DLG2: variants seen among roughly 807,000 people sequenced by gnomAD.
The protein encoded by DLG2 is discs large MAGUK scaffold protein 2, also known as disks large homolog 2.
DLG2 carries 45 observed loss-of-function variants against 132.5 expected under a neutral mutation model. The observed-to-expected ratio is 0.34, with a 90% confidence interval of 0.27 to 0.44. DLG2 has a LOEUF of 0.44. Ranked by LOEUF, DLG2 falls within the 20% of genes least tolerant of loss-of-function variation. DLG2 has a pLI of 1.00. For missense variants in DLG2, 1,045 were observed against 1,196.9 expected (o/e 0.87, Z 1.87); for synonymous variants, 424 against 419.6 (o/e 1.01, Z -0.13).
chr11:83,827,651 A>G (rs1426780333), intron 17 of DLG2, among the ~76,000 whole-genome samples: 1 of 152,182 alleles, frequency 6.6e-6, no homozygotes, highest in African/African-American at 2.4e-5. Flanking sequence ...TGGATGCCTG[A>G]GGAATGAATA....
chr11:83,481,922 C>G (rs1459139873), intron 22 of DLG2, among the ~76,000 whole-genome samples: 1 of 151,926 alleles, frequency 6.6e-6, no homozygotes, highest in African/African-American at 2.4e-5. Flanking sequence ...TTCTGACACT[C>G]CAAAAGCCAC....
At chr11:84,512,948 G>A (rs2099261316) in intron 7 of DLG2, among the ~76,000 whole-genome samples, 1 of 151,940 alleles carries the variant, frequency 6.6e-6, no homozygotes, top group South Asian at 2.1e-4. Flanking sequence ...GAGAACACAT[G>A]GACACAGGGA....
chr11:84,289,458 T>C (rs2097955805), intron 7 of DLG2, among the ~76,000 whole-genome samples: 1 of 152,040 alleles, frequency 6.6e-6, no homozygotes, highest in Non-Finnish European at 1.5e-5. Flanking sequence ...CCTTTTGAAA[T>C]ACAGAGAGAA....
At chr11:84,198,730 C>A (rs1346981560) in intron 8 of DLG2, among the ~76,000 whole-genome samples, 1 of 151,902 alleles carries the variant, frequency 6.6e-6, no homozygotes, top group Non-Finnish European at 1.5e-5. Context: ...GAGACAAGGA[C>A]TTAGAGAGGG....
chr11:84,184,226 C>T (rs2096223052), intron 8 of DLG2, among the ~76,000 whole-genome samples: 1 of 152,306 alleles, frequency 6.6e-6, no homozygotes. Flanking sequence ...TCCACGTCCT[C>T]TCCAGCACCT....
At chr11:85,534,280 A>G (rs1411146758) in intron 3 of DLG2, among the ~76,000 whole-genome samples, 1 of 152,184 alleles carries the variant, frequency 6.6e-6, no homozygotes, top group East Asian at 1.9e-4. Flanking sequence ...AATTCAAATT[A>G]AATTAAATTA....
intron 3 of DLG2, among the ~76,000 whole-genome samples, chr11:85,330,792 TAA>T (rs56995757): frequency 0.1 from 11,886 of 116,720 alleles, 473 homozygotes; most frequent in African/African-American, 0.12. Context: ...AAAAAAAAAT[TAA>T]AAAAAAAAAA....
At chr11:84,475,109 G>C (rs544536817) in intron 7 of DLG2, among the ~76,000 whole-genome samples, 2 of 152,222 alleles carry the variant, frequency 1.3e-5, no homozygotes, top group Admixed American at 1.3e-4. Flanking sequence ...CACATGTTGA[G>C]CTCCAACGAG....
Position 85,536,894 on chromosome 11 carries a change from G to A in DLG2, c.40+61763C>T, listed in dbSNP as rs1366225067. Reference sequence around the variant, plus strand: ...TGGGCTGCCAGAGTGCCCAGACTAGGTGCCGCAAAGTCCCACAGTGAATGC... The same window carrying A: ...TGGGCTGCCAGAGTGCCCAGACTAGATGCCGCAAAGTCCCACAGTGAATGC... On this transcript the variant is annotated intron_variant, in intron 3 of 27. Transcript: ENST00000376104. Among the ~76,000 whole-genome samples the A allele has an allele frequency of 2.0e-5, 3 of 152,218 alleles. 1 individual carries two copies. The highest frequency in any genetic ancestry group is 4.1e-4 in the South Asian group (2 of 4,830).
At chr11:85,604,204 G>C (rs1375907752) in intron 2 of DLG2, among the ~76,000 whole-genome samples, 1 of 152,142 alleles carries the variant, frequency 6.6e-6, no homozygotes, top group East Asian at 1.9e-4. Flanking sequence ...ATTTTTAAAA[G>C]GTCGTATATA....
intron 22 of DLG2, among the ~76,000 whole-genome samples, chr11:83,477,776 C>CATA (rs1348166854): frequency 2.0e-5 from 3 of 151,644 alleles, no homozygotes; most frequent in African/African-American, 7.3e-5. Flanking sequence ...TATTTTTAGT[C>CATA]ATAATTACAG....
chr11:85,523,347 T>A (rs1160391269), intron 3 of DLG2, among the ~76,000 whole-genome samples: 2 of 152,178 alleles, frequency 1.3e-5, no homozygotes, highest in Admixed American at 1.3e-4. Flanking sequence ...AAGGGATTAA[T>A]AACCAGAATA....
chr11:84,527,173 T>C (rs553498764), intron 7 of DLG2, among the ~76,000 whole-genome samples: 1 of 152,326 alleles, frequency 6.6e-6, no homozygotes, highest in South Asian at 2.1e-4. Flanking sequence ...AGGCATATTT[T>C]AAAATGATGA....
chr11:84,078,704 C>T (rs1381471813), intron 10 of DLG2, among the ~76,000 whole-genome samples: 3 of 152,162 alleles, frequency 2.0e-5, no homozygotes, highest in African/African-American at 7.2e-5. Context: ...GAAAGCTCTG[C>T]TCTAACCTAC....
intron 3 of DLG2, among the ~76,000 whole-genome samples, chr11:85,525,796 T>C (rs2074696323): frequency 6.6e-6 from 1 of 152,168 alleles, no homozygotes; most frequent in Non-Finnish European, 1.5e-5. Context: ...ATGTAGTCTC[T>C]CTGAGAAGAT....
chr11:84,163,995 G>C (rs1404129195), intron 8 of DLG2, among the ~76,000 whole-genome samples: 2 of 152,084 alleles, frequency 1.3e-5, no homozygotes, highest in Non-Finnish European at 2.9e-5. Context: ...CTTTTCTTTA[G>C]TGGCTCAAGC....
At chr11:83,563,280 C>A (rs546954488) in intron 19 of DLG2, among the ~76,000 whole-genome samples, 5 of 152,208 alleles carry the variant, frequency 3.3e-5, no homozygotes, top group South Asian at 4.2e-4. Context: ...CCCAGCCTCC[C>A]TAATTCTTTA....
chr11:83,730,458 A>G (rs1160154595), intron 18 of DLG2, among the ~76,000 whole-genome samples: 2 of 152,190 alleles, frequency 1.3e-5, no homozygotes, highest in Non-Finnish European at 2.9e-5. Context: ...AAGACAATCA[A>G]GAAGAAGCAG....
chr11:83,851,557 G>A (rs1368662312), intron 16 of DLG2, among the ~76,000 whole-genome samples: 1 of 150,704 alleles, frequency 6.6e-6, no homozygotes, highest in Non-Finnish European at 1.5e-5. Context: ...AACTCGGGAG[G>A]CAGAGGTTGC....
Sources: allele counts gnomAD v4.1 joint callset (sites outside exome capture counted in the v4.1 genomes callset), GRCh38; gene constraint gnomAD v4.1.1; transcripts MANE v1.5; gene names NCBI Gene and HGNC (gene_info 2026-07-23, HGNC 2026-07-21).